FAU: variants seen among roughly 807,000 people sequenced by gnomAD.
FAU encodes FAU ubiquitin like and ribosomal protein S30 fusion, also known as ubiquitin-like FUBI-ribosomal protein eS30 fusion protein.
For missense variants in FAU, 125 were observed against 173.9 expected (o/e 0.72, Z 1.58); for synonymous variants, 70 against 69.9 (o/e 1.00, Z -0.01).
chr11:65,121,170 G>A (rs1193538528), intron 3 of FAU, 134 bp from the exon 4 acceptor site: 1 of 954,408 alleles, frequency 1.0e-6, no homozygotes, highest in Non-Finnish European at 1.6e-6. Context: ...GCAGATATTT[G>A]ACCTTGAAAT....
intron 3 of FAU, 182 bp downstream of exon 3, chr11:65,121,318 G>T: frequency 2.4e-6 from 2 of 831,334 alleles, no homozygotes; most frequent in Non-Finnish European, 3.7e-6. Flanking sequence ...CTACACTCTG[G>T]CTCAGTCTCC....
chr11:65,121,528 G>A lies in FAU; in HGVS notation c.192C>T (p.Thr64=), dbSNP rs1417465672. 19 of 1,613,648 alleles carry A rather than the reference G, an allele frequency of 1.2e-5. No homozygotes were observed. Among genetic ancestry groups the A allele is most frequent in the Non-Finnish European group, 1.6e-5 (19 of 1,179,922 alleles). The change falls in exon 3 of 5, where the codon ACC becomes ACT. Residue 64 remains threonine (T), a synonymous_variant. Coordinates refer to ENST00000529639, the MANE Select transcript of FAU (RefSeq NM_001997.5). The stretch of plus-strand genomic sequence containing the variant: ...CAAGCATGCGGCCTGCTACTTCCAG[G>A]GTAGTCAGGGCCTCCACCCCGCACT... ...LGQCGVEALT[T]LEVAGRMLGG...
intron 3 of FAU, chr11:65,121,265 G>A (rs1461030309): frequency 4.1e-6 from 3 of 724,268 alleles, no homozygotes; most frequent in African/African-American, 3.6e-5. Flanking sequence ...TAGTGTGGAA[G>A]CTGATAACCA....
In FAU at chr11:65,120,645, G is replaced by C. The variant is rs778955106; in HGVS notation, c.*36C>G. ...AACAATGCGATGACTGAACTAAGTG[G>C]CTTTTTTATTAGAGAAAGCCAGAAT... is the stretch of plus-strand genomic sequence containing the variant. On this transcript the variant is annotated 3_prime_UTR_variant, in exon 5 of 5. Transcript: ENST00000529639. 1 of 1,611,580 alleles carries C rather than the reference G, an allele frequency of 6.2e-7. No homozygotes were observed.
chr11:65,120,970 C>T lies in FAU; in HGVS notation c.276+11G>A, dbSNP rs1948041639. 6.2e-7 allele frequency: 1 copy of T among 1,614,014 alleles called. No individual in the cohort carries two copies. Among genetic ancestry groups the T allele is most frequent in the African/African-American group, 1.3e-5 (1 of 74,912 alleles). On this transcript the variant is annotated intron_variant, in intron 4 of 4. Transcript: ENST00000529639. ...AGTCCTAACACCATGACCACTAATA[C>T]TCTCACTCACCTTAGGAGTCTGACC...
chr11:65,122,041 A>G (rs1238692939), intron 1 of FAU, 49 bp downstream of exon 1: 7 of 607,418 alleles, frequency 1.2e-5, no homozygotes, highest in Non-Finnish European at 2.0e-5. Flanking sequence ...CTGACCCCGC[A>G]GCCAACCTGC....
In FAU at chr11:65,121,639, A is replaced by G; in HGVS notation, c.81T>C (p.His27=). 6.2e-7 allele frequency: 1 copy of G among 1,613,952 alleles called. No homozygotes were observed. Among genetic ancestry groups the G allele is most frequent in the Non-Finnish European group, 8.5e-7 (1 of 1,179,984 alleles). The part of the protein sequence containing the change: ...GQETVAQIKA[H]VASLEGIAPE... The stretch of plus-strand genomic sequence containing the variant: ...GGGCAATGCCCTCCAGTGAGGCTAC[A>G]TGAGCCTACAGGGAAAGATAAGGCT... Residue 27 remains histidine, a synonymous_variant, in exon 3 of 5, where the codon CAT becomes CAC. Transcript: ENST00000529639.
Position 65,121,527 on chromosome 11 carries a change from G to A in FAU, c.193C>T (p.Leu65=). ...GQCGVEALTT[L]EVAGRMLGGK... is the part of the protein sequence containing the mutation. ...CCAAGCATGCGGCCTGCTACTTCCA[G>A]GGTAGTCAGGGCCTCCACCCCGCAC... Residue 65 remains leucine, a synonymous_variant, in exon 3 of 5, where the codon CTG becomes TTG. Transcript: ENST00000529639. The A allele has an allele frequency of 6.2e-7, 1 of 1,613,754 alleles. No homozygotes were observed. The highest frequency in any genetic ancestry group is 8.5e-7 in the Non-Finnish European group (1 of 1,179,896).
At position 65,121,511 on chromosome 11, in the gene FAU, C is replaced by T; in HGVS notation, c.209G>A (p.Arg70His). ...CCTCTCTCACTCACCTCCAAGCATG[C>T]GGCCTGCTACTTCCAGGGTAGTCAG... ...EALTTLEVAG[R>H]MLGGKVHGSL... is the part of the protein sequence containing the mutation. Residue 70 changes from arginine (R) to histidine (H), a missense_variant, in exon 3 of 5, where the codon CGC becomes CAC. By Grantham distance (29) the Arg-to-His change is conservative (BLOSUM62 0). Coordinates refer to ENST00000529639, the MANE Select transcript of FAU (RefSeq NM_001997.5). 1 of 1,613,100 alleles carries T rather than the reference C, an allele frequency of 6.2e-7. No individual in the cohort carries two copies. The highest frequency in any genetic ancestry group is 8.5e-7 in the Non-Finnish European group (1 of 1,179,572).
intron 2 of FAU, 44 bp from the exon 3 acceptor site, chr11:65,121,688 A>G: frequency 6.2e-7 from 1 of 1,613,826 alleles, no homozygotes; most frequent in Non-Finnish European, 8.5e-7. Flanking sequence ...TCGGGCCGCG[A>G]GAGTGAAGAG....
chr11:65,121,135 C>T, intron 3 of FAU, 99 bp from the exon 4 acceptor site: 2 of 1,222,340 alleles, frequency 1.6e-6, no homozygotes. Flanking sequence ...AGAAGCTGCG[C>T]CCAATAGGTA....
rs1052803175 is a variant in FAU, at chr11:65,122,079, C to T, written c.-9+11G>A. ...CAAGCCCTTCGGATCCAGCCAAGGC[C>T]CCATTCTTACCTGAACGGCGGTCCC... On this transcript the variant is annotated intron_variant, in intron 1 of 4. Coordinates refer to ENST00000529639, the MANE Select transcript of FAU (RefSeq NM_001997.5). 2 of 599,504 alleles carry T rather than the reference C, an allele frequency of 3.3e-6. No individual in the cohort carries two copies. The highest frequency in any genetic ancestry group is 5.9e-6 in the Non-Finnish European group (2 of 338,296). 37.1% of individuals were successfully genotyped at this position (599,504 alleles called of 1,614,324 possible). A position where few individuals can be genotyped will look rare whatever the true frequency, so the allele number is the denominator to read the frequency against.
chr11:65,121,110 T>C (rs1459714742), intron 3 of FAU, 74 bp from the exon 4 acceptor site: 1 of 1,496,186 alleles, frequency 6.7e-7, no homozygotes, highest in Non-Finnish European at 9.3e-7. Flanking sequence ...CTTTTCTCAA[T>C]TCAAGCCTTT....
chr11:65,121,876 G>C, intron 1 of FAU, 55 bp from the exon 2 acceptor site: 1 of 1,567,070 alleles, frequency 6.4e-7, no homozygotes, highest in South Asian at 1.1e-5. Flanking sequence ...CTGGGATAAA[G>C]GAGATTTGGG....
In FAU at chr11:65,122,117, G is replaced by A. The variant is rs1248213439; in HGVS notation, c.-36C>T. On this transcript the variant is annotated 5_prime_UTR_variant, in exon 1 of 5. Transcript: ENST00000529639. ...GAACGGCGGTCCCAGCTACCGCGAA[G>A]ATGGAGTCGAGAAAGAGGAAGAAGC... 1.8e-5 allele frequency: 11 copies of A among 601,138 alleles called. No homozygotes were observed. The highest frequency in any genetic ancestry group is 4.4e-4 in the Middle Eastern group (1 of 2,266). 37.2% of individuals were successfully genotyped at this position (601,138 alleles called of 1,614,324 possible). A position where few individuals can be genotyped will look rare whatever the true frequency, so the allele number is the denominator to read the frequency against.
rs760417353 is a variant in FAU, at chr11:65,120,768, C to A, written c.315G>T (p.Arg105=). 1 of 1,614,176 alleles carries A rather than the reference C, an allele frequency of 6.2e-7. No individual in the cohort carries two copies. Among genetic ancestry groups the A allele is most frequent in the South Asian group, 1.1e-5 (1 of 91,082 alleles). The change falls in exon 5 of 5, where the codon CGG becomes CGT. Residue 105 remains arginine (R), a synonymous_variant. Transcript: ENST00000529639. The part of the protein sequence containing the change: ...KQEKKKKKTG[R]AKRRMQYNRR... ...GGTTGTACTGCATCCGCCGCTTAGCCCGACCTGTCTTCTTCTTCTTCTTCT... is the reference window on the plus strand; with the variant it reads ...GGTTGTACTGCATCCGCCGCTTAGCACGACCTGTCTTCTTCTTCTTCTTCT...
chr11:65,121,665 C>T (rs1369214696), intron 2 of FAU, 21 bp from the exon 3 acceptor site: 4 of 1,613,618 alleles, frequency 2.5e-6, no homozygotes, highest in Non-Finnish European at 3.4e-6. Context: ...AGATAAGGCT[C>T]GTAAGCGTTC....
rs776794134 is a variant in FAU, at chr11:65,120,946, G to A, written c.276+35C>T. On this transcript the variant is annotated intron_variant, in intron 4 of 4. Coordinates refer to ENST00000529639, the MANE Select transcript of FAU (RefSeq NM_001997.5). ...TGGTTTAGCTGTGAAAGGAAAAAAAGTCCTAACACCATGACCACTAATACT... is the reference window on the plus strand; with the variant it reads ...TGGTTTAGCTGTGAAAGGAAAAAAAATCCTAACACCATGACCACTAATACT... The A allele has an allele frequency of 2.0e-5, 32 of 1,613,128 alleles. No individual in the cohort carries two copies. The Admixed American group carries it at 2.5e-4, about 13-fold the overall frequency.
intron 4 of FAU, 79 bp from the exon 5 acceptor site, chr11:65,120,885 G>C: frequency 6.2e-7 from 1 of 1,609,052 alleles, no homozygotes; most frequent in Non-Finnish European, 8.5e-7. Context: ...CATCTCCAGG[G>C]AGGGAGAAGG....
Sources: allele counts gnomAD v4.1 joint callset, GRCh38; gene constraint gnomAD v4.1.1; transcripts MANE v1.5; gene names NCBI Gene and HGNC (gene_info 2026-07-23, HGNC 2026-07-21).